The following VMP1 variants were observed in gnomAD, a reference collection of about 807,000 sequenced individuals.
The protein encoded by VMP1 is vacuole membrane protein 1.
VMP1 carries 11 observed loss-of-function variants against 56.0 expected under a neutral mutation model. The observed-to-expected ratio is 0.20, with a 90% confidence interval of 0.12 to 0.32. The LOEUF (loss-of-function observed/expected upper bound fraction) is 0.32. VMP1 is among the 10% of genes least tolerant of loss of function. VMP1 has a pLI of 1.00. For synonymous variants in VMP1, 149 were observed against 165.0 expected (o/e 0.90, Z 0.74); for missense variants, 296 against 490.3 (o/e 0.60, Z 3.74).
intron 8 of VMP1, among the ~76,000 whole-genome samples, chr17:59,809,626 C>T (rs1360844717): frequency 1.4e-5 from 2 of 147,846 alleles, no homozygotes; most frequent in African/African-American, 2.5e-5. Flanking sequence ...CCTGCCTCAG[C>T]CTCCCAAGTA....
At chr17:59,718,982 C>T (rs886972593) in intron 1 of VMP1, among the ~76,000 whole-genome samples, 3 of 152,068 alleles carry the variant, frequency 2.0e-5, no homozygotes, top group Non-Finnish European at 4.4e-5. Context: ...TCAGATGACA[C>T]TCTGATATGT....
At chr17:59,827,498 C>T (rs1436733421) in intron 10 of VMP1, among the ~76,000 whole-genome samples, 1 of 151,754 alleles carries the variant, frequency 6.6e-6, no homozygotes, top group Non-Finnish European at 1.5e-5. Context: ...TGTATTTTTA[C>T]TAGAGTCGGG....
intron 10 of VMP1, among the ~76,000 whole-genome samples, chr17:59,832,053 AT>A (rs1250735898): frequency 6.6e-6 from 1 of 151,008 alleles, no homozygotes; most frequent in African/African-American, 2.4e-5. Flanking sequence ...TGGTGGAAAA[AT>A]TTTTTTTAAT....
At chr17:59,798,932 A>G (rs994798738) in intron 7 of VMP1, among the ~76,000 whole-genome samples, 1 of 152,194 alleles carries the variant, frequency 6.6e-6, no homozygotes, top group Non-Finnish European at 1.5e-5. Context: ...TTTGTTACCA[A>G]CTAAATTTTC....
At chr17:59,715,206 A>G (rs2034105322) in intron 1 of VMP1, among the ~76,000 whole-genome samples, 1 of 152,154 alleles carries the variant, frequency 6.6e-6, no homozygotes, top group Non-Finnish European at 1.5e-5. Flanking sequence ...ATTGATCTTC[A>G]TTAAGGCTAT....
intron 7 of VMP1, among the ~76,000 whole-genome samples, chr17:59,789,253 TAAAAG>T (rs2037129180): frequency 7.2e-6 from 1 of 138,644 alleles, no homozygotes; most frequent in African/African-American, 2.7e-5. Flanking sequence ...AAAAAAAAGA[TAAAAG>T]AAAAAAAGGC....
At chr17:59,832,761 ATTTTTTTTTT>A (rs71145580) in intron 10 of VMP1, among the ~76,000 whole-genome samples, 3 of 101,346 alleles carry the variant, frequency 3.0e-5, no homozygotes, top group Non-Finnish European at 5.6e-5. Flanking sequence ...GCCTGGCAAT[ATTTTTTTTTT>A]TTTTTTTTTT....
rs1174440632 is a variant in VMP1, at chr17:59,793,720, G to A, written c.715-15076G>A. Among the ~76,000 whole-genome samples the A allele has an allele frequency of 3.5e-5, 4 of 113,844 alleles. 2 individuals carry two copies. Among genetic ancestry groups the A allele is most frequent in the East Asian group, 5.0e-4 (2 of 4,022 alleles). 74.7% of individuals were successfully genotyped at this position (113,844 alleles called of 152,430 possible). A position where few individuals can be genotyped will look rare whatever the true frequency, so the allele number is the denominator to read the frequency against. On this transcript the variant is annotated intron_variant, in intron 7 of 11. Coordinates refer to ENST00000262291, the MANE Select transcript of VMP1 (RefSeq NM_030938.5). ...TGTCTCACTGCGGCCTCCACCTCCCGAGTTCAAGCAATTCTCCTGCCTCAG... is the reference window on the plus strand; with the variant it reads ...TGTCTCACTGCGGCCTCCACCTCCCAAGTTCAAGCAATTCTCCTGCCTCAG...
At chr17:59,824,398 C>T (rs9891065) in intron 10 of VMP1, among the ~76,000 whole-genome samples, 2,162 of 150,786 alleles carry the variant, frequency 0.014, 44 homozygotes, top group African/African-American at 0.049. Context: ...CTGATGAAAC[C>T]TCATCTCTAC....
chr17:59,716,010 T>C (rs926286078), intron 1 of VMP1, among the ~76,000 whole-genome samples: 3 of 152,174 alleles, frequency 2.0e-5, no homozygotes, highest in African/African-American at 7.2e-5. Context: ...AAGGTTGACA[T>C]AATTTCTGGC....
intron 1 of VMP1, among the ~76,000 whole-genome samples, chr17:59,717,420 T>A (rs965566941): frequency 1.3e-5 from 2 of 152,140 alleles, no homozygotes; most frequent in Non-Finnish European, 2.9e-5. Flanking sequence ...TCTTGCTCTG[T>A]CACCCAGGCA....
intron 5 of VMP1, among the ~76,000 whole-genome samples, chr17:59,750,400 C>A (rs1598336569): frequency 6.6e-6 from 1 of 150,912 alleles, no homozygotes; most frequent in East Asian, 2.0e-4. Context: ...CTCCTGGGTT[C>A]AGGTGATTCT....
chr17:59,801,091 A>AAATATAT (rs1307645697), intron 7 of VMP1, among the ~76,000 whole-genome samples: 2 of 109,358 alleles, frequency 1.8e-5, no homozygotes, highest in African/African-American at 4.0e-5. Flanking sequence ...AAAAAAAAAA[A>AAATATAT]ATATATATAT....
intron 7 of VMP1, among the ~76,000 whole-genome samples, chr17:59,792,696 A>G (rs2037278504): frequency 6.6e-6 from 1 of 150,640 alleles, no homozygotes; most frequent in African/African-American, 2.4e-5. Flanking sequence ...GGTCTGTACT[A>G]AAAATACAAA....
intron 9 of VMP1, among the ~76,000 whole-genome samples, chr17:59,816,111 A>G (rs2038222526): frequency 6.6e-6 from 1 of 152,208 alleles, no homozygotes; most frequent in Admixed American, 6.5e-5. Flanking sequence ...TAAATGTGTG[A>G]CACATTTTTT....
intron 5 of VMP1, among the ~76,000 whole-genome samples, chr17:59,751,608 G>T (rs144487081): frequency 0.064 from 5,535 of 86,420 alleles, 380 homozygotes; most frequent in African/African-American, 0.24. Flanking sequence ...TGGGCGTGGT[G>T]GGGGGGGCGC....
At chr17:59,809,715 C>T (rs551002011) in intron 8 of VMP1, among the ~76,000 whole-genome samples, 2 of 150,814 alleles carry the variant, frequency 1.3e-5, no homozygotes, top group East Asian at 3.9e-4. Flanking sequence ...ACCGTTTTAG[C>T]CGGGATGGTC....
chr17:59,782,821 A>AAAAC lies in VMP1; in HGVS notation c.714+8948_714+8951dup, dbSNP rs889608603. Among the ~76,000 whole-genome samples the AAAAC allele has an allele frequency of 7.9e-5, 12 of 152,192 alleles. No individual in the cohort carries two copies. In the East Asian group the frequency reaches 2.1e-3, roughly 27 times the overall value. On this transcript the variant is annotated intron_variant, in intron 7 of 11. Coordinates refer to ENST00000262291, the MANE Select transcript of VMP1 (RefSeq NM_030938.5). ...AGTAAGTTTATCAGCCAAAAAAGTA[A>AAAAC]AAACAAACAAACAAAAAAAACCACT...
chr17:59,722,450 G>A (rs1025680906), intron 1 of VMP1, among the ~76,000 whole-genome samples: 12 of 152,154 alleles, frequency 7.9e-5, no homozygotes, highest in African/African-American at 2.9e-4. Flanking sequence ...TTTTCAGGCA[G>A]TTTAGTTAAT....
Sources: allele counts gnomAD v4.1 joint callset (sites outside exome capture counted in the v4.1 genomes callset), GRCh38; gene constraint gnomAD v4.1.1; transcripts MANE v1.5; gene names NCBI Gene and HGNC (gene_info 2026-07-23, HGNC 2026-07-21).